RGPD3: variants seen among roughly 807,000 people sequenced by gnomAD.
RGPD3 encodes the protein ranBP2-like and GRIP domain-containing protein 3.
Under a neutral mutation model 154.5 loss-of-function variants are expected in RGPD3, and 62 were observed. That is an observed-to-expected ratio of 0.40 (90% CI 0.33 to 0.50). The LOEUF is 0.50. Ranked by LOEUF, RGPD3 falls within the 20% of genes least tolerant of loss-of-function variation. RGPD3 has a pLI of 0.59. For missense variants in RGPD3, 919 were observed against 1,716.8 expected, an observed-to-expected ratio of 0.54 and a Z score of 8.21; for synonymous variants, 308 against 607.0, an observed-to-expected ratio of 0.51 and a Z score of 7.24.
At chr2:106,450,950 G>A (rs1271012984) in intron 6 of RGPD3, among the ~76,000 whole-genome samples, 5 of 146,910 alleles carry the variant, frequency 3.4e-5, no homozygotes, top group East Asian at 2.0e-4. Flanking sequence ...TTAGCTGGGC[G>A]TAGTGGTGTG....
At chr2:106,410,094 T>C (rs1205823916) in intron 22 of RGPD3, among the ~76,000 whole-genome samples, 1 of 151,902 alleles carries the variant, frequency 6.6e-6, no homozygotes, top group Non-Finnish European at 1.5e-5. Context: ...CAGGCTGGTC[T>C]TGAACTCCTG....
At position 106,403,710 on chromosome 2, in the gene RGPD3, T is replaced by C. The variant is rs538877004; in HGVS notation, c.*1509A>G. ...CTCTTCATGTCGGCTCTGAAATAGA[T>C]GCATTTTCATTCATACATTCGCTAG... On this transcript the variant is annotated 3_prime_UTR_variant, in exon 23 of 23. Coordinates refer to ENST00000409886, the MANE Select transcript of RGPD3 (RefSeq NM_001144013.2). 4.9e-3 allele frequency among the ~76,000 whole-genome samples: 747 copies of C among 152,232 alleles called. 1 individual carries two copies. Among genetic ancestry groups the C allele is most frequent in the Non-Finnish European group, 8.3e-3 (566 of 67,930 alleles).
rs1179068436 is a variant in RGPD3 at position 106,415,836 on chromosome 2, T to G, written c.5064+14A>C. 6.2e-7 allele frequency: 1 copy of G among 1,611,536 alleles called. No individual in the cohort carries two copies. The highest frequency in any genetic ancestry group is 8.5e-7 in the Non-Finnish European group (1 of 1,179,798). On this transcript the variant is annotated intron_variant, in intron 21 of 22. Coordinates refer to ENST00000409886, the MANE Select transcript of RGPD3 (RefSeq NM_001144013.2). The stretch of plus-strand genomic sequence containing the variant: ...ACTGGCAGTTTTTATGGTGGCCAGG[T>G]TTTCTGATCTCACCTTAATTTGCTC...
chr2:106,440,252 C>T lies in RGPD3; in HGVS notation c.1066+1041G>A, dbSNP rs1337290399. Among the ~76,000 whole-genome samples the T allele has an allele frequency of 7.6e-4, 77 of 101,404 alleles. 1 individual carries two copies. The highest frequency in any genetic ancestry group is 2.9e-3 in the African/African-American group (74 of 25,428). The allele number at this position is 101,404 out of a possible 152,430, so 66.5% of individuals were successfully genotyped here. On this transcript the variant is annotated intron_variant, in intron 8 of 22. Transcript: ENST00000409886. ...ATAGTAAAAGCCACTGAACTGTACACTTTAAATGGGTGAAGCGTATGGTAT... is the reference window on the plus strand; with the variant it reads ...ATAGTAAAAGCCACTGAACTGTACATTTTAAATGGGTGAAGCGTATGGTAT...
At chr2:106,451,758 T>A (rs1358176975) in intron 6 of RGPD3, among the ~76,000 whole-genome samples, 2 of 151,970 alleles carry the variant, frequency 1.3e-5, no homozygotes, top group Admixed American at 1.3e-4. Flanking sequence ...GTTCAGTTAT[T>A]TTGTTTCTTA....
chr2:106,445,246 G>T (rs1481440265), intron 7 of RGPD3, among the ~76,000 whole-genome samples: 2 of 147,922 alleles, frequency 1.4e-5, no homozygotes, highest in Non-Finnish European at 1.5e-5. Flanking sequence ...CCGAGGTCGT[G>T]CCACTGTGCT....
intron 1 of RGPD3, among the ~76,000 whole-genome samples, chr2:106,466,266 C>G (rs1678582639): frequency 2.0e-5 from 3 of 151,998 alleles, no homozygotes; most frequent in African/African-American, 7.2e-5. Context: ...AAGCGCCGCG[C>G]CGCCCACAGG....
In RGPD3 at chr2:106,415,949, C is replaced by T. The variant is rs1168609621; in HGVS notation, c.4965G>A (p.Leu1655=). Residue 1655 remains leucine, a synonymous_variant, in exon 21 of 23, where the codon TTG becomes TTA. Coordinates refer to ENST00000409886, the MANE Select transcript of RGPD3 (RefSeq NM_001144013.2). ...LWYAEFTKEE[L]VQKLSSTTKS... is the part of the protein sequence containing the mutation. ...TTGTGGTGGAACTGAGCTTCTGAAC[C>T]AATTCTTCTTTAGTAAATTCAGCAT... 3 of 1,611,662 alleles carry T rather than the reference C, an allele frequency of 1.9e-6. No individual in the cohort carries two copies. The highest frequency in any genetic ancestry group is 2.2e-5 in the East Asian group (1 of 44,808).
Position 106,425,285 on chromosome 2 carries a change from T to G in RGPD3, c.2701-19A>C. ...AAGAACCCTGAAACATAAATGAAGG[T>G]GAATTTTCTTGATCCACATGCCCAA... On this transcript the variant is annotated intron_variant, in intron 19 of 22. Coordinates refer to ENST00000409886, the MANE Select transcript of RGPD3 (RefSeq NM_001144013.2). The G allele has an allele frequency of 6.2e-7, 1 of 1,609,736 alleles. No homozygotes were observed. The highest frequency in any genetic ancestry group is 8.5e-7 in the Non-Finnish European group (1 of 1,179,174).
chr2:106,406,879 T>C lies in RGPD3; in HGVS notation c.5267-1650A>G, dbSNP rs553957751. ...ATTTTCAAACTTTTACATGGGGAAA[T>C]TTTCTAGAGTTAAAGCCATTTTATT... On this transcript the variant is annotated intron_variant, in intron 22 of 22. Transcript: ENST00000409886. Among the ~76,000 whole-genome samples the C allele has an allele frequency of 2.6e-3, 380 of 147,104 alleles. 2 individuals are homozygous for C. Among genetic ancestry groups the C allele is most frequent in the African/African-American group, 9.1e-3 (355 of 39,084 alleles).
At chr2:106,421,878 T>C (rs1285753593) in intron 20 of RGPD3, among the ~76,000 whole-genome samples, 2 of 151,440 alleles carry the variant, frequency 1.3e-5, no homozygotes, top group Admixed American at 1.3e-4. Context: ...AGCATCCCAC[T>C]ACATTTTAAA....
chr2:106,465,325 C>T (rs984838028), intron 1 of RGPD3, among the ~76,000 whole-genome samples: 25 of 152,262 alleles, frequency 1.6e-4, no homozygotes, highest in Admixed American at 3.9e-4. Flanking sequence ...ATCCATATTC[C>T]GCTGAAATCC....
At chr2:106,445,085 G>A (rs1454977711) in intron 7 of RGPD3, among the ~76,000 whole-genome samples, 7 of 131,370 alleles carry the variant, frequency 5.3e-5, no homozygotes, top group African/African-American at 1.2e-4. Flanking sequence ...TCAGGAGATC[G>A]AGACCATCCT....
intron 21 of RGPD3, among the ~76,000 whole-genome samples, chr2:106,414,766 C>G (rs532463686): frequency 1.3e-5 from 2 of 150,254 alleles, no homozygotes; most frequent in South Asian, 4.3e-4. Flanking sequence ...GGTGGAATGT[C>G]ATGATATATA....
At position 106,423,921 on chromosome 2, in the gene RGPD3, C is replaced by T. The variant is rs544814488; in HGVS notation, c.4046G>A (p.Ser1349Asn). The T allele has an allele frequency of 1.5e-5, 24 of 1,611,752 alleles. No homozygotes were observed. The highest frequency in any genetic ancestry group is 1.9e-5 in the Non-Finnish European group (22 of 1,179,864). ...VPLPDLVEVSSGEENEQVVFS... is the reference protein window; with the variant it reads ...VPLPDLVEVSNGEENEQVVFS... Reference sequence around the variant, plus strand: ...AACAACTTGTTCATTTTCCTCACCACTGGATACTTCAACTAGATCAGGTAA... The same window carrying T: ...AACAACTTGTTCATTTTCCTCACCATTGGATACTTCAACTAGATCAGGTAA... The change falls in exon 20 of 23, where the codon AGT (serine) becomes AAT (asparagine). Residue 1349 changes from serine (S) to asparagine (N), a missense_variant. Coordinates refer to ENST00000409886, the MANE Select transcript of RGPD3 (RefSeq NM_001144013.2).
chr2:106,417,606 A>C (rs1676857969), intron 20 of RGPD3, among the ~76,000 whole-genome samples: 1 of 149,840 alleles, frequency 6.7e-6, no homozygotes, highest in African/African-American at 2.5e-5. Context: ...GCATGTCTAG[A>C]AGCGGGAGGT....
chr2:106,446,563 C>G (rs1258160197), intron 7 of RGPD3, among the ~76,000 whole-genome samples: 1 of 73,252 alleles, frequency 1.4e-5, no homozygotes, highest in African/African-American at 5.7e-5. Flanking sequence ...GAGCGAGACT[C>G]CATCTCAAAA....
chr2:106,412,813 A>G (rs1047136122), intron 22 of RGPD3: 5 of 606,286 alleles, frequency 8.2e-6, no homozygotes, highest in Admixed American at 2.2e-5. Context: ...CCAGAACGCA[A>G]CACCAGGATA....
chr2:106,468,681 C>A (rs1678729372), upstream of RGPD3, among the ~76,000 whole-genome samples: 1 of 152,014 alleles, frequency 6.6e-6, no homozygotes, highest in Admixed American at 6.6e-5. Context: ...TGGCAGGTGC[C>A]TGTAGTCCCA....
Sources: allele counts gnomAD v4.1 joint callset (sites outside exome capture counted in the v4.1 genomes callset), GRCh38; gene constraint gnomAD v4.1.1; transcripts MANE v1.5; gene names NCBI Gene and HGNC (gene_info 2026-07-23, HGNC 2026-07-21).